The following CNTNAP2 variants were observed in gnomAD, a reference collection of about 807,000 sequenced individuals.
CNTNAP2 encodes the protein contactin associated protein 2.
In CNTNAP2, 98 loss-of-function variants were observed where a neutral mutation model predicts 155.2. The observed-to-expected ratio is 0.63, with a 90% CI of 0.54 to 0.75. The LOEUF is 0.75. Ranked by LOEUF, CNTNAP2 falls within the 30% of genes least tolerant of loss-of-function variation. The probability of loss-of-function intolerance (pLI) is 0.00; values close to 1 mark genes in which losing one functional copy is unlikely to be tolerated. For missense variants in CNTNAP2, 1,727 were observed against 1,688.1 expected (o/e 1.02, Z -0.40); for synonymous variants, 651 against 631.2 (o/e 1.03, Z -0.47).
intron 8 of CNTNAP2, among the ~76,000 whole-genome samples, chr7:147,168,738 T>C (rs1047339231): frequency 2.0e-5 from 3 of 152,170 alleles, no homozygotes; most frequent in African/African-American, 7.2e-5. Context: ...TTTTCCCTAA[T>C]TGTTATTGAG....
At chr7:146,685,176 T>C (rs546375612) in intron 1 of CNTNAP2, among the ~76,000 whole-genome samples, 18 of 151,992 alleles carry the variant, frequency 1.2e-4, no homozygotes, top group African/African-American at 3.9e-4. Context: ...CCCAAACGAG[T>C]TGACATAAAA....
At chr7:146,625,778 A>G (rs989162445) in intron 1 of CNTNAP2, among the ~76,000 whole-genome samples, 5 of 152,056 alleles carry the variant, frequency 3.3e-5, no homozygotes, top group Admixed American at 1.3e-4. Context: ...AGTAATTCTC[A>G]TAAGTAATTC....
At chr7:146,339,252 TGC>T (rs1801332510) in intron 1 of CNTNAP2, among the ~76,000 whole-genome samples, 2 of 151,720 alleles carry the variant, frequency 1.3e-5, no homozygotes, top group Admixed American at 6.5e-5. Flanking sequence ...TGTACACATA[TGC>T]GTGTACATAC....
At chr7:147,941,317 G>A (rs186239620) in intron 14 of CNTNAP2, among the ~76,000 whole-genome samples, 1 of 152,160 alleles carries the variant, frequency 6.6e-6, no homozygotes, top group Non-Finnish European at 1.5e-5. Context: ...AATGGCAGCC[G>A]AGGGTGGGGA....
At chr7:147,263,133 G>A (rs1804529399) in intron 8 of CNTNAP2, among the ~76,000 whole-genome samples, 1 of 151,994 alleles carries the variant, frequency 6.6e-6, no homozygotes, top group Non-Finnish European at 1.5e-5. Flanking sequence ...GATTGCTTTG[G>A]CCCAGGAGTT....
At chr7:146,452,925 G>C (rs1796504020) in intron 1 of CNTNAP2, among the ~76,000 whole-genome samples, 1 of 152,202 alleles carries the variant, frequency 6.6e-6, no homozygotes, top group African/African-American at 2.4e-5. Flanking sequence ...AATGAATAAA[G>C]TAGCATGATC....
At chr7:146,303,249 C>G (rs1184544320) in intron 1 of CNTNAP2, among the ~76,000 whole-genome samples, 1 of 151,976 alleles carries the variant, frequency 6.6e-6, no homozygotes, top group South Asian at 2.1e-4. Flanking sequence ...AATCTGTTTT[C>G]AAACATGAAC....
At chr7:148,064,717 AAAG>A (rs1214470955) in intron 15 of CNTNAP2, among the ~76,000 whole-genome samples, 3 of 151,478 alleles carry the variant, frequency 2.0e-5, no homozygotes, top group African/African-American at 7.3e-5. Context: ...ATACCTAACC[AAAG>A]AAGTGAAAGA....
intron 1 of CNTNAP2, among the ~76,000 whole-genome samples, chr7:146,120,904 G>A (rs11978527): frequency 0.46 from 69,567 of 151,828 alleles, 16,662 homozygotes; most frequent in African/African-American, 0.58. Flanking sequence ...TGTACTCTAT[G>A]ATGTTGGCAC....
At chr7:146,649,779 T>A (rs979348400) in intron 1 of CNTNAP2, among the ~76,000 whole-genome samples, 4 of 152,178 alleles carry the variant, frequency 2.6e-5, no homozygotes, top group African/African-American at 7.2e-5. Context: ...AGGCTTTTTC[T>A]CTTCCTATTT....
chr7:146,663,963 TCA>T (rs953041713), intron 1 of CNTNAP2, among the ~76,000 whole-genome samples: 1 of 152,144 alleles, frequency 6.6e-6, no homozygotes, highest in African/African-American at 2.4e-5. Context: ...GGAAAAACGT[TCA>T]GTCTTTTCCC....
intron 15 of CNTNAP2, among the ~76,000 whole-genome samples, chr7:148,061,348 T>A (rs1398294849): frequency 6.6e-6 from 1 of 152,126 alleles, no homozygotes; most frequent in Non-Finnish European, 1.5e-5. Context: ...GCCCACTTTT[T>A]AAATTTTTTA....
chr7:147,279,699 C>A (rs1432137366), intron 8 of CNTNAP2, among the ~76,000 whole-genome samples: 1 of 151,840 alleles, frequency 6.6e-6, no homozygotes, highest in Non-Finnish European at 1.5e-5. Context: ...ATACACCAGG[C>A]ATTGTTAGAA....
chr7:147,585,789 GTA>G (rs1554408134), intron 12 of CNTNAP2, among the ~76,000 whole-genome samples: 20 of 132,770 alleles, frequency 1.5e-4, no homozygotes, highest in African/African-American at 3.2e-4. Context: ...GTGTGTGTGT[GTA>G]TATATGTGTG....
At chr7:146,836,334 T>C (rs1393670232) in intron 2 of CNTNAP2, among the ~76,000 whole-genome samples, 2 of 152,182 alleles carry the variant, frequency 1.3e-5, no homozygotes, top group Admixed American at 6.5e-5. Flanking sequence ...AACACTTCAT[T>C]ATAACATGGC....
chr7:146,792,630 C>T (rs1016254625), intron 2 of CNTNAP2, among the ~76,000 whole-genome samples: 13 of 152,104 alleles, frequency 8.5e-5, no homozygotes, highest in Admixed American at 7.9e-4. Context: ...ACTAAAGATT[C>T]ATTTGCATGT....
intron 21 of CNTNAP2, among the ~76,000 whole-genome samples, chr7:148,381,140 A>G (rs993276661): frequency 3.9e-5 from 6 of 152,228 alleles, no homozygotes; most frequent in Non-Finnish European, 7.3e-5. Context: ...GGCAGCATCT[A>G]GGGGTGGTGC....
intron 8 of CNTNAP2, among the ~76,000 whole-genome samples, chr7:147,238,533 C>T (rs994917838): frequency 6.6e-6 from 1 of 151,924 alleles, no homozygotes; most frequent in Non-Finnish European, 1.5e-5. Flanking sequence ...GGAATGCTAT[C>T]GAAAATTTTC....
intron 9 of CNTNAP2, among the ~76,000 whole-genome samples, chr7:147,379,511 C>T (rs1043569942): frequency 1.3e-4 from 19 of 151,998 alleles, no homozygotes; most frequent in Non-Finnish European, 2.6e-4. Context: ...AAGATACCAG[C>T]TTGGAACCAT....
Sources: allele counts gnomAD v4.1 joint callset (sites outside exome capture counted in the v4.1 genomes callset), GRCh38; gene constraint gnomAD v4.1.1; transcripts MANE v1.5; gene names NCBI Gene and HGNC (gene_info 2026-07-23, HGNC 2026-07-21).